The following SUMF1 variants were observed in gnomAD, a reference collection of about 807,000 sequenced individuals.
SUMF1 encodes the protein formylglycine-generating enzyme.
Under a neutral mutation model 47.6 loss-of-function variants are expected in SUMF1, and 48 were observed. The observed-to-expected ratio is 1.01, with a 90% CI of 0.80 to 1.28. The LOEUF is 1.28. SUMF1 is among the 50% of genes most tolerant of loss of function. The pLI, the probability that SUMF1 is intolerant of heterozygous loss-of-function variation, is 0.00. For synonymous variants in SUMF1, 230 were observed against 192.1 expected, an observed-to-expected ratio of 1.20 and a Z score of -1.63; for missense variants, 571 against 485.4, an observed-to-expected ratio of 1.18 and a Z score of -1.66.
chr3:4,052,233 T>G (rs1695124980), intron 9 of SUMF1, among the ~76,000 whole-genome samples: 1 of 152,086 alleles, frequency 6.6e-6, no homozygotes, highest in Non-Finnish European at 1.5e-5. Flanking sequence ...CTCTCTTTGG[T>G]CTCTTTTACA....
At chr3:4,401,622 G>A (rs1433689798) in intron 7 of SUMF1, among the ~76,000 whole-genome samples, 1 of 152,106 alleles carries the variant, frequency 6.6e-6, no homozygotes, top group Non-Finnish European at 1.5e-5. Flanking sequence ...GACTCACCTA[G>A]GGCCCCACGA....
chr3:4,328,963 T>A (rs945424373), intron 8 of SUMF1, among the ~76,000 whole-genome samples: 3 of 152,070 alleles, frequency 2.0e-5, no homozygotes, highest in Non-Finnish European at 4.4e-5. Context: ...ACAGGCTCCA[T>A]GCAAGTCTGA....
downstream of SUMF1, among the ~76,000 whole-genome samples, chr3:4,356,952 G>A (rs1255569236): frequency 6.6e-6 from 1 of 151,968 alleles, no homozygotes; most frequent in Non-Finnish European, 1.5e-5. Flanking sequence ...TTTATTTAGT[G>A]GCTTCAAGAA....
At chr3:4,395,903 T>C (rs1345675920) in intron 7 of SUMF1, among the ~76,000 whole-genome samples, 1 of 152,206 alleles carries the variant, frequency 6.6e-6, no homozygotes, top group African/African-American at 2.4e-5. Flanking sequence ...GCAGCTAATA[T>C]TTACCAAGCA....
At chr3:4,245,699 GGACCCACTTGA>G (rs1696652079) in intron 8 of SUMF1, among the ~76,000 whole-genome samples, 1 of 152,136 alleles carries the variant, frequency 6.6e-6, no homozygotes, top group Non-Finnish European at 1.5e-5. Context: ...CAAGGGTCAG[GGACCCACTTGA>G]GTAGGTAGTC....
At chr3:4,114,086 G>A (rs1286822168) in intron 8 of SUMF1, among the ~76,000 whole-genome samples, 4 of 152,070 alleles carry the variant, frequency 2.6e-5, no homozygotes, top group Admixed American at 6.5e-5. Context: ...TGGGTAGAAG[G>A]TGGGAGATGT....
At chr3:4,312,190 C>G (rs978870413) in intron 8 of SUMF1, among the ~76,000 whole-genome samples, 3 of 152,122 alleles carry the variant, frequency 2.0e-5, no homozygotes, top group Non-Finnish European at 2.9e-5. Flanking sequence ...TCATCTATGA[C>G]TTTCTTATCC....
intron 8 of SUMF1, among the ~76,000 whole-genome samples, chr3:4,349,676 C>A (rs1291864885): frequency 6.6e-6 from 1 of 152,166 alleles, no homozygotes; most frequent in East Asian, 1.9e-4. Flanking sequence ...GAGATCATGC[C>A]CTTTGCAGGG....
chr3:4,375,229 T>C (rs1049567360), intron 8 of SUMF1, among the ~76,000 whole-genome samples: 3 of 151,404 alleles, frequency 2.0e-5, no homozygotes, highest in African/African-American at 7.3e-5. Flanking sequence ...TGAGCTCTGC[T>C]CTATGAACTT....
chr3:4,257,553 A>G (rs1350201044), intron 8 of SUMF1, among the ~76,000 whole-genome samples: 76 of 151,500 alleles, frequency 5.0e-4, no homozygotes, highest in Admixed American at 1.1e-3. Context: ...CCAACTTACA[A>G]GGGATGTGAA....
At chr3:4,206,311 C>T (rs900249102) in intron 8 of SUMF1, among the ~76,000 whole-genome samples, 10 of 151,964 alleles carry the variant, frequency 6.6e-5, no homozygotes, top group Admixed American at 3.9e-4. Context: ...GTTCCAAGCC[C>T]AGCAAAGCAC....
chr3:4,452,365 G>A (rs1176046775), intron 2 of SUMF1, among the ~76,000 whole-genome samples: 1 of 152,192 alleles, frequency 6.6e-6, no homozygotes, highest in Non-Finnish European at 1.5e-5. Flanking sequence ...CACAGCATGT[G>A]TGAGTTGTCA....
At chr3:4,282,562 T>C (rs1697551293) in intron 8 of SUMF1, among the ~76,000 whole-genome samples, 1 of 152,214 alleles carries the variant, frequency 6.6e-6, no homozygotes, top group African/African-American at 2.4e-5. Context: ...CATGAATGGC[T>C]CTTAGACCAC....
intron 8 of SUMF1, among the ~76,000 whole-genome samples, chr3:4,283,997 C>G (rs562491530): frequency 1.6e-4 from 24 of 152,226 alleles, no homozygotes; most frequent in African/African-American, 5.8e-4. Flanking sequence ...GTCTCACTCC[C>G]CATTATCATC....
chr3:4,185,525 G>A (rs947758766), intron 8 of SUMF1, among the ~76,000 whole-genome samples: 10 of 152,114 alleles, frequency 6.6e-5, no homozygotes, highest in African/African-American at 2.4e-4. Context: ...CTAAGCCTTG[G>A]ATCTAGCAGA....
At chr3:4,121,187 T>A (rs892462244) in intron 8 of SUMF1, among the ~76,000 whole-genome samples, 2 of 152,160 alleles carry the variant, frequency 1.3e-5, no homozygotes, top group African/African-American at 4.8e-5. Context: ...TCCCAGCCAT[T>A]ATTAACATTC....
chr3:4,152,914 C>G (rs1485260), intron 8 of SUMF1, among the ~76,000 whole-genome samples: 2,975 of 151,574 alleles, frequency 0.02, 209 homozygotes, highest in African/African-American at 0.069. Flanking sequence ...TCCCTAGTCT[C>G]TCTCCCTGGC....
chr3:4,254,147 A>G (rs1050281174), intron 8 of SUMF1, among the ~76,000 whole-genome samples: 3 of 152,048 alleles, frequency 2.0e-5, no homozygotes, highest in South Asian at 2.1e-4. Context: ...AGCAAAAAAA[A>G]CCACAAAGAT....
intron 8 of SUMF1, among the ~76,000 whole-genome samples, chr3:4,350,148 G>GGCC (rs1699462405): frequency 6.6e-6 from 1 of 151,356 alleles, no homozygotes; most frequent in Non-Finnish European, 1.5e-5. Context: ...TTACAGGCAT[G>GGCC]CACCACCACG....
Sources: allele counts gnomAD v4.1 joint callset (sites outside exome capture counted in the v4.1 genomes callset), GRCh38; gene constraint gnomAD v4.1.1; transcripts MANE v1.5; gene names NCBI Gene and HGNC (gene_info 2026-07-23, HGNC 2026-07-21).